DLX5: variants seen among roughly 807,000 people sequenced by gnomAD.
DLX5 encodes the protein homeobox protein DLX-5.
A neutral mutation model predicts 27.1 loss-of-function variants in DLX5; 8 were observed. The ratio of observed to expected loss-of-function variants is 0.30; its 90% CI spans 0.17 to 0.53. The LOEUF is 0.53. DLX5 is among the 20% of genes least tolerant of loss of function. The pLI is 0.95. For synonymous variants in DLX5, 178 were observed against 161.9 expected, an observed-to-expected ratio of 1.10 and a Z score of -0.75; for missense variants, 339 against 375.1, an observed-to-expected ratio of 0.90 and a Z score of 0.80.
Position 97,024,582 on chromosome 7 carries a change from G to C in DLX5, c.42C>G (p.Ser14=). ...VFDRRVPSIR[S]GDFQAPFQTS... is the part of the protein sequence containing the mutation. ...TCTGGAACGGAGCTTGGAAGTCGCCGGATCGGATGCTGGGGACCCTTCTGT... is the reference window on the plus strand; with the variant it reads ...TCTGGAACGGAGCTTGGAAGTCGCCCGATCGGATGCTGGGGACCCTTCTGT... The change falls in exon 1 of 3, where the codon TCC becomes TCG. Residue 14 remains serine (S), a synonymous_variant. Coordinates refer to ENST00000648378, the MANE Select transcript of DLX5 (RefSeq NM_005221.6). The surrounding 1 kb of genome is among the most constrained non-coding windows in gnomAD (Gnocchi z 4.6). 6.2e-7 allele frequency: 1 copy of C among 1,607,048 alleles called. No individual in the cohort carries two copies. Among genetic ancestry groups the C allele is most frequent in the Non-Finnish European group, 8.5e-7 (1 of 1,174,300 alleles).
rs1316620957 is a variant in DLX5 at position 97,021,141 on chromosome 7, A to T, written c.541-76T>A. On this transcript the variant is annotated intron_variant, in intron 2 of 2. Transcript: ENST00000648378. ...GCGCCTTCCCCGGGGCGGCGACTGG[A>T]GGCATCTTCGGACCTCTGGGCGGCC... 11 of 1,414,316 alleles carry T rather than the reference A, an allele frequency of 7.8e-6. No individual in the cohort carries two copies. The South Asian group carries it at 1.2e-4, about 15-fold the overall frequency. The allele number at this position is 1,414,316 out of a possible 1,614,324, so 87.6% of individuals were successfully genotyped here. A position where few individuals can be genotyped will look rare whatever the true frequency, so the allele number is the denominator to read the frequency against.
chr7:97,020,615 G>C lies in DLX5; in HGVS notation c.*121C>G. On this transcript the variant is annotated 3_prime_UTR_variant, in exon 3 of 3. Transcript: ENST00000648378. ...TGCAATAACTTACATGCAAAAAAAA[G>C]CTTTACACATGAATCTTTTTCAGTT... 1 of 1,049,848 alleles carries C rather than the reference G, an allele frequency of 9.5e-7. No individual in the cohort carries two copies. The highest frequency in any genetic ancestry group is 1.3e-6 in the Non-Finnish European group (1 of 771,984). 65.0% of individuals were successfully genotyped at this position (1,049,848 alleles called of 1,614,324 possible). A position where few individuals can be genotyped will look rare whatever the true frequency, so the allele number is the denominator to read the frequency against.
At chr7:97,023,214 A>G (rs1483340527) in intron 1 of DLX5, among the ~76,000 whole-genome samples, 1 of 141,688 alleles carries the variant, frequency 7.1e-6, no homozygotes, top group Non-Finnish European at 1.5e-5. Context: ...CACTGTCATG[A>G]GTATGGGTTT....
rs150540108 is a variant in DLX5 at position 97,023,803 on chromosome 7, C to A, written c.355+466G>T. Among the ~76,000 whole-genome samples, 806 of 150,922 alleles carry A rather than the reference C, an allele frequency of 5.3e-3. 12 individuals carry two copies. Among genetic ancestry groups the A allele is most frequent in the African/African-American group, 0.019 (769 of 40,930 alleles). Reference sequence around the variant, plus strand: ...CCCAGCGTGCTCAGGGCACCCGCACCGTGCTAGCTTGTGGCGGCTCTCAAA... The same window carrying A: ...CCCAGCGTGCTCAGGGCACCCGCACAGTGCTAGCTTGTGGCGGCTCTCAAA... On this transcript the variant is annotated intron_variant, in intron 1 of 2. Coordinates refer to ENST00000648378, the MANE Select transcript of DLX5 (RefSeq NM_005221.6).
intron 2 of DLX5, chr7:97,021,940 G>A: frequency 1.6e-6 from 1 of 608,298 alleles, no homozygotes; most frequent in South Asian, 2.0e-5. Flanking sequence ...CAGCTCCGGA[G>A]GCCCGCTACG....
Position 97,020,581 on chromosome 7 carries a change from C to A in DLX5, c.*155G>T, listed in dbSNP as rs1790021247. On this transcript the variant is annotated 3_prime_UTR_variant, in exon 3 of 3. Transcript: ENST00000648378. The stretch of plus-strand genomic sequence containing the variant: ...AGTCCTCTGTAAAAAAAGGGGGGGT[C>A]TTTTGAAATGCAATAACTTACATGC... The A allele has an allele frequency of 6.8e-6, 5 of 738,576 alleles. No homozygotes were observed. Among genetic ancestry groups the A allele is most frequent in the Non-Finnish European group, 9.9e-6 (5 of 506,884 alleles). 45.8% of individuals were successfully genotyped at this position (738,576 alleles called of 1,614,324 possible). A position where few individuals can be genotyped will look rare whatever the true frequency, so the allele number is the denominator to read the frequency against.
rs1790024347 is a variant in DLX5 at position 97,020,672 on chromosome 7, T to C, written c.*64A>G. 4.2e-6 allele frequency: 6 copies of C among 1,426,576 alleles called. No homozygotes were observed. The highest frequency in any genetic ancestry group is 4.7e-5 in the East Asian group (2 of 42,644). The allele number at this position is 1,426,576 out of a possible 1,614,324, so 88.4% of individuals were successfully genotyped here. A position where few individuals can be genotyped will look rare whatever the true frequency, so the allele number is the denominator to read the frequency against. ...ACTTCCCCATATGAATTCCTTTCTT[T>C]ATGATTTTCTAGAACAGCAAAACAC... On this transcript the variant is annotated 3_prime_UTR_variant, in exon 3 of 3. Transcript: ENST00000648378.
intron 1 of DLX5, among the ~76,000 whole-genome samples, chr7:97,023,213 G>A (rs1183247720): frequency 6.7e-6 from 1 of 149,160 alleles, no homozygotes; most frequent in Non-Finnish European, 1.5e-5. Flanking sequence ...TCACTGTCAT[G>A]AGTATGGGTT....
chr7:97,022,858 A>G (rs1790100366), intron 1 of DLX5, among the ~76,000 whole-genome samples: 1 of 152,134 alleles, frequency 6.6e-6, no homozygotes, highest in Non-Finnish European at 1.5e-5. Flanking sequence ...CGAGGTCTCC[A>G]AAGTTCAAAG....
rs1210177368 is a variant in DLX5, at chr7:97,022,347, C to T, written c.378G>A (p.Glu126=). ...NQPEKEVTEP[E]VRMVNGKPKK... ...TTGGTTTGCCATTCACCATTCTCAC[C>T]TCGGGCTCGGTCACTTCTTTCTCTA... is the stretch of plus-strand genomic sequence containing the variant. The change falls in exon 2 of 3, where the codon GAG becomes GAA. Residue 126 remains glutamate (E), a synonymous_variant. Transcript: ENST00000648378. The T allele has an allele frequency of 6.2e-7, 1 of 1,614,162 alleles. No individual in the cohort carries two copies. The highest frequency in any genetic ancestry group is 1.1e-5 in the South Asian group (1 of 91,086).
rs1790077269 is a variant in DLX5, at chr7:97,022,034, A to T, written c.540+151T>A. The T allele has an allele frequency of 5.7e-6, 5 of 883,296 alleles. 1 individual carries two copies. In the South Asian group the frequency reaches 5.9e-5, roughly 10 times the overall value. The allele number at this position is 883,296 out of a possible 1,614,324, so 54.7% of individuals were successfully genotyped here. ...TCCCCACCGTCTCAAGGCCTGACTCACCGAGTTAAAGCATAGGGGCTGATG... is the reference window on the plus strand; with the variant it reads ...TCCCCACCGTCTCAAGGCCTGACTCTCCGAGTTAAAGCATAGGGGCTGATG... On this transcript the variant is annotated intron_variant, in intron 2 of 2. Coordinates refer to ENST00000648378, the MANE Select transcript of DLX5 (RefSeq NM_005221.6).
Position 97,024,096 on chromosome 7 carries a change from C to T in DLX5, c.355+173G>A, listed in dbSNP as rs1456960766. 6.6e-6 allele frequency among the ~76,000 whole-genome samples: 1 copy of T among 152,192 alleles called. No individual in the cohort carries two copies. The highest frequency in any genetic ancestry group is 1.5e-5 in the Non-Finnish European group (1 of 68,036). The stretch of plus-strand genomic sequence containing the variant: ...CACAGGGCTCTCCTACTAAAAATCC[C>T]TAAAATGCTGGCCCGAGAAACTCTC... On this transcript the variant is annotated intron_variant, in intron 1 of 2. Transcript: ENST00000648378. This position sits in a 1 kb window ranked among gnomAD's most constrained non-coding sequence, Gnocchi z 4.6.
At position 97,020,766 on chromosome 7, in the gene DLX5, C is replaced by A; in HGVS notation, c.840G>T (p.Pro280=). 6.2e-7 allele frequency: 1 copy of A among 1,603,052 alleles called. No homozygotes were observed. Among genetic ancestry groups the A allele is most frequent in the Non-Finnish European group, 8.5e-7 (1 of 1,172,190 alleles). The change falls in exon 3 of 3, where the codon CCG becomes CCT. Residue 280 remains proline (P), a synonymous_variant. Coordinates refer to ENST00000648378, the MANE Select transcript of DLX5 (RefSeq NM_005221.6). ...HLPPPGSLQH[P]LALASGTLY ...AGAGTGTCCCGGAGGCCAGCGCCAG[C>A]GGGTGCTGTAAGGAGCCCGGCGGCG...
chr7:97,022,424 G>C (rs1790088847), intron 1 of DLX5, 55 bp from the exon 2 acceptor site: 3 of 1,602,798 alleles, frequency 1.9e-6, no homozygotes, highest in Non-Finnish European at 2.5e-6. Flanking sequence ...TGCCCCTTTT[G>C]CGGAAGGGCC....
Position 97,024,223 on chromosome 7 carries a change from G to C in DLX5, c.355+46C>G. 1 of 1,558,398 alleles carries C rather than the reference G, an allele frequency of 6.4e-7. No individual in the cohort carries two copies. Among genetic ancestry groups the C allele is most frequent in the Admixed American group, 1.8e-5 (1 of 54,498 alleles). On this transcript the variant is annotated intron_variant, in intron 1 of 2. Coordinates refer to ENST00000648378, the MANE Select transcript of DLX5 (RefSeq NM_005221.6). This position sits in a 1 kb window ranked among gnomAD's most constrained non-coding sequence, Gnocchi z 4.6. ...TACCACCCCATCTCGCGCCCCCAGC[G>C]TCCTAGTCGCCCTGTATCTGCCCAG...
At position 97,020,788 on chromosome 7, in the gene DLX5, G is replaced by A. The variant is rs1790029222; in HGVS notation, c.818C>T (p.Pro273Leu). 1.9e-6 allele frequency: 3 copies of A among 1,610,844 alleles called. No homozygotes were observed. The highest frequency in any genetic ancestry group is 1.7e-5 in the Admixed American group (1 of 59,896). ...CAGCGGGTGCTGTAAGGAGCCCGGCGGCGGCAGGTGGGAATTGATTGAGCT... is the reference window on the plus strand; with the variant it reads ...CAGCGGGTGCTGTAAGGAGCCCGGCAGCGGCAGGTGGGAATTGATTGAGCT... ...AASSINSHLP[P>L]PGSLQHPLAL... Residue 273 changes from proline (P) to leucine (L), a missense_variant, in exon 3 of 3, where the codon CCG (proline) becomes CTG (leucine). Pro to Leu is a moderately conservative substitution (Grantham distance 98). This residue lies in a region of DLX5 where 136 missense variants were observed against 130.3 expected (regional missense o/e 1.04). Transcript: ENST00000648378.
chr7:97,022,297 A>G lies in DLX5; in HGVS notation c.428T>C (p.Ile143Thr). The change falls in exon 2 of 3, where the codon ATT becomes ACT. Residue 143 changes from isoleucine to threonine, a missense_variant. Transcript: ENST00000648378. The stretch of plus-strand genomic sequence containing the variant: ...TGCGGCCAGCTGAAAGCTGGAATAA[A>G]TAGTCCTGGGTTTACGAACTTTCTT... ...KPKKVRKPRT[I>T]YSSFQLAALQ... 6.2e-7 allele frequency: 1 copy of G among 1,614,240 alleles called. No homozygotes were observed. The highest frequency in any genetic ancestry group is 8.5e-7 in the Non-Finnish European group (1 of 1,180,046).
chr7:97,023,919 G>A (rs1202550256), intron 1 of DLX5, among the ~76,000 whole-genome samples: 1 of 152,052 alleles, frequency 6.6e-6, no homozygotes, highest in Non-Finnish European at 1.5e-5. Context: ...CCTTCTCTTT[G>A]TTACGCAAAC....
In DLX5 at chr7:97,020,479, A is replaced by G. The variant is rs1432309057; in HGVS notation, c.*257T>C. 2 of 355,960 alleles carry G rather than the reference A, an allele frequency of 5.6e-6. No homozygotes were observed. Among genetic ancestry groups the G allele is most frequent in the Admixed American group, 4.3e-5 (1 of 23,478 alleles). 22.1% of individuals were successfully genotyped at this position (355,960 alleles called of 1,614,324 possible). A position where few individuals can be genotyped will look rare whatever the true frequency, so the allele number is the denominator to read the frequency against. On this transcript the variant is annotated 3_prime_UTR_variant, in exon 3 of 3. Transcript: ENST00000648378. ...CACTTATTTACATGGCTAAAATAACATTGAAAAAAGTCTTTTGAAAAGTTG... is the reference window on the plus strand; with the variant it reads ...CACTTATTTACATGGCTAAAATAACGTTGAAAAAAGTCTTTTGAAAAGTTG...
Sources: allele counts gnomAD v4.1 joint callset (sites outside exome capture counted in the v4.1 genomes callset), GRCh38; gene constraint gnomAD v4.1.1; regional missense constraint gnomAD v4.1.1; non-coding constraint Gnocchi (gnomAD v3.1); transcripts MANE v1.5; gene names NCBI Gene and HGNC (gene_info 2026-07-23, HGNC 2026-07-21).